The following ALG12 variants were observed in gnomAD, a reference collection of about 807,000 sequenced individuals.
ALG12 encodes the protein dol-P-Man:Man(7)GlcNAc(2)-PP-Dol alpha-1,6-mannosyltransferase.
Under a neutral mutation model 46.0 loss-of-function variants are expected in ALG12, and 36 were observed. The ratio of observed to expected loss-of-function variants is 0.78; its 90% CI spans 0.60 to 1.03. The LOEUF is 1.03. Among genes scored for constraint, ALG12 ranks in the 50% least tolerant of loss-of-function variants. The pLI is 0.00. For synonymous variants in ALG12, 326 were observed against 291.6 expected (o/e 1.12, Z -1.20); for missense variants, 599 against 633.5 (o/e 0.95, Z 0.58).
the ALG12 span, among the ~76,000 whole-genome samples, chr22:49,865,749 GAAGGACT>G: frequency 6.6e-6 from 1 of 152,136 alleles, no homozygotes; most frequent in Non-Finnish European, 1.5e-5. Context: ...GATCTCTCAG[GAAGGACT>G]CATGGAACAA....
intron 4 of ALG12, 61 bp from the exon 5 acceptor site, chr22:49,910,149 C>T: frequency 6.6e-7 from 1 of 1,515,460 alleles, no homozygotes; most frequent in Middle Eastern, 2.0e-4. Flanking sequence ...CCAGAAAACA[C>T]CCGGGGAAGT....
chr22:49,904,558 TA>T (rs1391955440), intron 7 of ALG12, 52 bp from the exon 8 acceptor site: 2 of 1,597,640 alleles, frequency 1.3e-6, no homozygotes, highest in African/African-American at 2.7e-5. Flanking sequence ...ACAATAAAAT[TA>T]ATCTACCTAC....
At position 49,902,735 on chromosome 22, in the gene ALG12, A is replaced by G. The variant is rs1601817107; in HGVS notation, c.*1103T>C. The stretch of plus-strand genomic sequence containing the variant: ...GTGCACTGTGTGTGGATGCATGGTA[A>G]TGTGCACGTGTGCACTGTGTGTGGT... On this transcript the variant is annotated 3_prime_UTR_variant, in exon 10 of 10. Coordinates refer to ENST00000330817, the MANE Select transcript of ALG12 (RefSeq NM_024105.4). 5.4e-5 allele frequency: 4 copies of G among 74,542 alleles called. No homozygotes were observed. Among genetic ancestry groups the G allele is most frequent in the Non-Finnish European group, 7.4e-5 (3 of 40,784 alleles). The allele number at this position is 74,542 out of a possible 1,614,324, so 4.6% of individuals were successfully genotyped here. A position where few individuals can be genotyped will look rare whatever the true frequency, so the allele number is the denominator to read the frequency against.
the ALG12 span, among the ~76,000 whole-genome samples, chr22:49,893,216 C>CAGAAG: frequency 2.0e-5 from 3 of 152,110 alleles, no homozygotes; most frequent in African/African-American, 7.2e-5. Context: ...ACGGGAGTCC[C>CAGAAG]AGAAGAGGAG....
downstream of ALG12, among the ~76,000 whole-genome samples, chr22:49,899,441 G>A (rs2060495270): frequency 6.6e-6 from 1 of 150,938 alleles, no homozygotes; most frequent in African/African-American, 2.4e-5. Flanking sequence ...TCGCACCACT[G>A]CACTCCAGCC....
Position 49,902,030 on chromosome 22 carries a change from CTGTG to C in ALG12, c.*1804_*1807del, listed in dbSNP as rs571729569. The C allele has an allele frequency of 7.9e-5, 11 of 139,012 alleles. 1 individual carries two copies. The highest frequency in any genetic ancestry group is 1.7e-4 in the Non-Finnish European group (11 of 65,324). The allele number at this position is 139,012 out of a possible 1,614,324, so 8.6% of individuals were successfully genotyped here. ...ATGCATGGTAATGTGCACGCGTGCA[CTGTG>C]TGTATGCATGGTAACGTACACGTGT... is the stretch of plus-strand genomic sequence containing the variant. On this transcript the variant is annotated 3_prime_UTR_variant, in exon 10 of 10. Coordinates refer to ENST00000330817, the MANE Select transcript of ALG12 (RefSeq NM_024105.4).
the ALG12 span, among the ~76,000 whole-genome samples, chr22:49,860,763 C>T: frequency 1.4e-3 from 213 of 151,636 alleles, no homozygotes; most frequent in African/African-American, 4.7e-3. Context: ...TTATCCCCAC[C>T]ACTCTTCTAA....
intron 7 of ALG12, among the ~76,000 whole-genome samples, chr22:49,904,995 C>T (rs2060535026): frequency 6.6e-6 from 1 of 152,178 alleles, no homozygotes; most frequent in South Asian, 2.1e-4. Flanking sequence ...GCCTCAGCCT[C>T]CCAAAGTGCT....
rs80345624 is a variant in ALG12 at position 49,911,446 on chromosome 22, C to T, written c.296-839G>A. ...GGACTGCAAATGTCTTTTTTTTTTT[C>T]TTTTTAAGGACAGAGTTTCCCTCTG... On this transcript the variant is annotated intron_variant, in intron 3 of 9. Transcript: ENST00000330817. 2.6e-3 allele frequency among the ~76,000 whole-genome samples: 301 copies of T among 115,156 alleles called. 3 individuals carry two copies. Among genetic ancestry groups the T allele is most frequent in the African/African-American group, 7.3e-3 (221 of 30,170 alleles). The allele number at this position is 115,156 out of a possible 152,430, so 75.5% of individuals were successfully genotyped here. A position where few individuals can be genotyped will look rare whatever the true frequency, so the allele number is the denominator to read the frequency against.
chr22:49,865,198 G>A, the ALG12 span, among the ~76,000 whole-genome samples: 1 of 152,116 alleles, frequency 6.6e-6, no homozygotes, highest in Non-Finnish European at 1.5e-5. Context: ...CTACACTGAA[G>A]CCTGTAGGCA....
intron 1 of ALG12, among the ~76,000 whole-genome samples, chr22:49,914,447 T>TC (rs144240657): frequency 0.01 from 1,556 of 152,240 alleles, 26 homozygotes; most frequent in African/African-American, 0.036. Flanking sequence ...TGGCCGGCTT[T>TC]CCCAAAGGTG....
rs768399493 is a variant in ALG12 at position 49,904,370 on chromosome 22, G to A, written c.1129C>T (p.Gln377Ter). The A allele has an allele frequency of 2.5e-6, 4 of 1,614,092 alleles. No individual in the cohort carries two copies. In the African/African-American group the frequency reaches 4.0e-5, roughly 16 times the overall value. Residue 377 changes from glutamine to a stop codon, truncating the protein, a stop_gained, in exon 8 of 10, where the codon CAG (glutamine) becomes TAG (stop). Transcript: ENST00000330817. LOFTEE classifies it high-confidence loss of function. ...GGGGGCACCAGCTGGTGCAGCCTCT[G>A]CATTGCGACGCCACCTGGGTAGTTG... ...HFNYPGGVAM[Q>*]RLHQLVPPQT...
In ALG12 at chr22:49,905,345, C is replaced by T. The variant is rs1040009455; in HGVS notation, c.993-839G>A. ...CCAAACCCACCAGGCTCCTCGGAGC[C>T]CTCTTCTCCACAGGCCCTGCCCTTT... On this transcript the variant is annotated intron_variant, in intron 7 of 9. Coordinates refer to ENST00000330817, the MANE Select transcript of ALG12 (RefSeq NM_024105.4). The surrounding 1 kb of genome is among the most constrained non-coding windows in gnomAD (Gnocchi z 4.9). Among the ~76,000 whole-genome samples, 14 of 152,334 alleles carry T rather than the reference C, an allele frequency of 9.2e-5. 2 individuals carry two copies. The highest frequency in any genetic ancestry group is 2.0e-4 in the Admixed American group (3 of 15,304).
chr22:49,904,234 C>G lies in ALG12; in HGVS notation c.1183G>C (p.Val395Leu). 1 of 1,614,078 alleles carries G rather than the reference C, an allele frequency of 6.2e-7. No homozygotes were observed. Among genetic ancestry groups the G allele is most frequent in the African/African-American group, 1.3e-5 (1 of 75,052 alleles). The change falls in exon 9 of 10, where the codon GTG becomes CTG. Residue 395 changes from valine (V) to leucine (L), a missense_variant. Val to Leu is a conservative substitution (Grantham distance 32). Transcript: ENST00000330817. ...GACACACCTGTCTGGGCGGCTGCCA[C>G]GTCAATGTGCAGAAGGACGTCTAGG... is the stretch of plus-strand genomic sequence containing the variant. ...PQTDVLLHID[V>L]AAAQTGVSRF...
chr22:49,880,587 AC>A, the ALG12 span, among the ~76,000 whole-genome samples: 1 of 152,200 alleles, frequency 6.6e-6, no homozygotes, highest in South Asian at 2.1e-4. Flanking sequence ...CGTTTCGTGC[AC>A]GGCGTCTGGC....
the ALG12 span, chr22:49,886,003 G>T: frequency 1.4e-6 from 1 of 691,668 alleles, no homozygotes; most frequent in Middle Eastern, 2.5e-4. This position sits in a 1 kb window ranked among gnomAD's most constrained non-coding sequence, Gnocchi z 7.7. Flanking sequence ...CGACTACAGT[G>T]GCAACAGCAT....
the ALG12 span, among the ~76,000 whole-genome samples, chr22:49,878,301 C>A: frequency 9.9e-3 from 1,053 of 106,866 alleles, no homozygotes; most frequent in South Asian, 0.012. Flanking sequence ...GACACTGTCT[C>A]AAAAAAAAAA....
At position 49,913,519 on chromosome 22, in the gene ALG12, T is replaced by G; in HGVS notation, c.163-2A>C. ...TCCGGGGAACTCAAGATGGTCGTAC[T>G]GCGAGGAGAAGGGCAGGTCAGTGCA... On this transcript the variant is annotated splice_acceptor_variant, in intron 2 of 9. Coordinates refer to ENST00000330817, the MANE Select transcript of ALG12 (RefSeq NM_024105.4). LOFTEE classifies it high-confidence loss of function. 2 of 1,613,930 alleles carry G rather than the reference T, an allele frequency of 1.2e-6. No homozygotes were observed. The highest frequency in any genetic ancestry group is 1.7e-6 in the Non-Finnish European group (2 of 1,180,042).
chr22:49,872,712 T>C, the ALG12 span, among the ~76,000 whole-genome samples: 1 of 151,764 alleles, frequency 6.6e-6, no homozygotes, highest in Non-Finnish European at 1.5e-5. Context: ...AAATTTTTTT[T>C]TTTTTTTCCT....
Sources: allele counts gnomAD v4.1 joint callset (sites outside exome capture counted in the v4.1 genomes callset), GRCh38; gene constraint gnomAD v4.1.1; non-coding constraint Gnocchi (gnomAD v3.1); transcripts MANE v1.5; gene names NCBI Gene and HGNC (gene_info 2026-07-23, HGNC 2026-07-21).